Variants in ARGFX observed in about 807,000 individuals in gnomAD.
The protein encoded by ARGFX is arginine-fifty homeobox.
Under a neutral mutation model 8.0 loss-of-function variants are expected in ARGFX, and 10 were observed. The observed-to-expected ratio is 1.25, with a 90% confidence interval of 0.77 to 2.12. The LOEUF (loss-of-function observed/expected upper bound fraction) is 2.12. Among genes scored for constraint, ARGFX ranks in the 30% most tolerant of loss-of-function variants. ARGFX has a pLI of 0.00. For missense variants in ARGFX, 282 were observed against 324.3 expected (o/e 0.87, Z 1.00); for synonymous variants, 116 against 117.8 (o/e 0.98, Z 0.10).
At chr3:121,575,896 C>T (rs774686528) in intron 2 of ARGFX, among the ~76,000 whole-genome samples, 4 of 146,516 alleles carry the variant, frequency 2.7e-5, no homozygotes, top group Admixed American at 7.1e-5. Flanking sequence ...CTGGGTGTTC[C>T]GGTGAGACTC....
intron 3 of ARGFX, among the ~76,000 whole-genome samples, chr3:121,578,016 C>G (rs926190382): frequency 1.3e-5 from 2 of 151,782 alleles, no homozygotes; most frequent in Non-Finnish European, 2.9e-5. Flanking sequence ...AAACTTCTGA[C>G]TTCAAGCGAT....
At chr3:121,572,043 A>G (rs887785627) in intron 2 of ARGFX, among the ~76,000 whole-genome samples, 2 of 151,360 alleles carry the variant, frequency 1.3e-5, no homozygotes, top group Admixed American at 1.3e-4. Context: ...GTTAGCCAGG[A>G]TGGTCTAGGA....
At chr3:121,569,772 T>C (rs2048696946) in intron 1 of ARGFX, among the ~76,000 whole-genome samples, 1 of 152,218 alleles carries the variant, frequency 6.6e-6, no homozygotes, top group Non-Finnish European at 1.5e-5. Context: ...CATGCAGGAT[T>C]TTGTAACATT....
At chr3:121,575,938 A>G (rs4437078) in intron 2 of ARGFX, among the ~76,000 whole-genome samples, 102,024 of 151,192 alleles carry the variant, frequency 0.67, 34,592 homozygotes, top group East Asian at 0.77. Context: ...AGTGTGGTTG[A>G]AAATAAATGA....
At chr3:121,583,509 A>G (rs1192193678) in intron 3 of ARGFX, among the ~76,000 whole-genome samples, 1 of 151,538 alleles carries the variant, frequency 6.6e-6, no homozygotes, top group East Asian at 1.9e-4. Flanking sequence ...CAGTGACACA[A>G]TTATGGTTCA....
chr3:121,579,193 A>G (rs746915169), intron 3 of ARGFX, among the ~76,000 whole-genome samples: 6 of 152,190 alleles, frequency 3.9e-5, no homozygotes, highest in Non-Finnish European at 8.8e-5. Context: ...TATTATTGGT[A>G]GTTGTCCATA....
At chr3:121,571,473 G>C (rs1488123355) in intron 2 of ARGFX, among the ~76,000 whole-genome samples, 1 of 151,856 alleles carries the variant, frequency 6.6e-6, no homozygotes, top group African/African-American at 2.4e-5. Flanking sequence ...TGAAAGACTT[G>C]TCCATTGAAA....
At chr3:121,584,525 C>T (rs2048800272) in intron 3 of ARGFX, among the ~76,000 whole-genome samples, 1 of 152,168 alleles carries the variant, frequency 6.6e-6, no homozygotes, top group Non-Finnish European at 1.5e-5. Context: ...ACAGAAGCTA[C>T]TATCCACTGT....
Position 121,589,119 on chromosome 3 carries a change from G to A in ARGFX, c.*2519G>A, listed in dbSNP as rs2048831321. Among the ~76,000 whole-genome samples the A allele has an allele frequency of 6.6e-6, 1 of 152,118 alleles. No individual in the cohort carries two copies. The highest frequency in any genetic ancestry group is 2.4e-5 in the African/African-American group (1 of 41,420). On this transcript the variant is annotated 3_prime_UTR_variant, in exon 5 of 5. Transcript: ENST00000334384. ...GAGCCACAGAGGTCGAGGCTGCAGT[G>A]AGCTGTGACTGTGCCACTGCACTCC...
At chr3:121,574,731 G>A (rs1410526976) in intron 2 of ARGFX, among the ~76,000 whole-genome samples, 3 of 152,190 alleles carry the variant, frequency 2.0e-5, no homozygotes, top group Admixed American at 6.5e-5. Context: ...ACCAGTTTGT[G>A]ACCCAGGGGA....
intron 4 of ARGFX, 88 bp from the exon 5 acceptor site, chr3:121,585,934 T>A: frequency 7.8e-7 from 1 of 1,288,714 alleles, no homozygotes; most frequent in Non-Finnish European, 1.1e-6. Context: ...GACATGAAGA[T>A]TATAACCTGG....
At position 121,577,246 on chromosome 3, in the gene ARGFX, TA is replaced by T. The variant is rs2048745771; in HGVS notation, c.220+347del. ...ATGTACATATATATATATATATATA[TA>T]TATATATATATATTTTTTTTTTTTT... On this transcript the variant is annotated intron_variant, in intron 3 of 4. Coordinates refer to ENST00000334384, the MANE Select transcript of ARGFX (RefSeq NM_001012659.2). Among the ~76,000 whole-genome samples, 6 of 49,114 alleles carry T rather than the reference TA, an allele frequency of 1.2e-4. No homozygotes were observed. In the East Asian group the frequency reaches 3.0e-3, roughly 24 times the overall value. The allele number at this position is 49,114 out of a possible 152,430, so 32.2% of individuals were successfully genotyped here. A position where few individuals can be genotyped will look rare whatever the true frequency, so the allele number is the denominator to read the frequency against.
Position 121,585,079 on chromosome 3 carries a change from T to C in ARGFX, c.369+14T>C, listed in dbSNP as rs1383239070. On this transcript the variant is annotated intron_variant, in intron 4 of 4. Transcript: ENST00000334384. ...TCAACAGTAAAGGTCTGATCCCCTG[T>C]GGTGTGCTTGGTACCCCCATCCAAG... 7.4e-6 allele frequency: 12 copies of C among 1,612,638 alleles called. No individual in the cohort carries two copies. Among genetic ancestry groups the C allele is most frequent in the Non-Finnish European group, 9.3e-6 (11 of 1,179,466 alleles).
intron 4 of ARGFX, 31 bp downstream of exon 4, chr3:121,585,096 C>T (rs1168011783): frequency 6.8e-6 from 11 of 1,608,238 alleles, no homozygotes; most frequent in Non-Finnish European, 8.5e-6. Context: ...CTTGGTACCC[C>T]CATCCAAGCC....
intron 3 of ARGFX, among the ~76,000 whole-genome samples, chr3:121,578,357 C>T (rs2048757480): frequency 6.6e-6 from 1 of 151,966 alleles, no homozygotes; most frequent in Admixed American, 6.6e-5. Context: ...GAACTCCTGA[C>T]CTCAGGTGAT....
chr3:121,579,675 A>G (rs1297769977), intron 3 of ARGFX, among the ~76,000 whole-genome samples: 1 of 152,080 alleles, frequency 6.6e-6, no homozygotes, highest in Admixed American at 6.6e-5. Flanking sequence ...GTCATATTTG[A>G]TTGAGATGGG....
At chr3:121,577,260 T>TATATCTACATGTACATATATATATATATA (rs1491494549) in intron 3 of ARGFX, among the ~76,000 whole-genome samples, 5 of 30,916 alleles carry the variant, frequency 1.6e-4, no homozygotes, top group Admixed American at 1.0e-3. Flanking sequence ...TATATATATA[T>TATATCTACATGTACATATATATATATATA]TTTTTTTTTT....
rs1372105510 is a variant in ARGFX, at chr3:121,584,995, C to A, written c.299C>A (p.Thr100Asn). ...YEELEALFSQ[T>N]MFPDRNLQEK... ...GAGCTAGAAGCTCTGTTTAGCCAGA[C>A]CATGTTCCCAGATAGAAATCTTCAG... Residue 100 changes from threonine to asparagine, a missense_variant, in exon 4 of 5, where the codon ACC becomes AAC. Physicochemically the swap from Thr to Asn is moderately conservative, Grantham distance 65. Transcript: ENST00000334384. 6.2e-7 allele frequency: 1 copy of A among 1,614,012 alleles called. No homozygotes were observed. The highest frequency in any genetic ancestry group is 8.5e-7 in the Non-Finnish European group (1 of 1,179,976).
At chr3:121,583,371 T>C (rs1281012013) in intron 3 of ARGFX, among the ~76,000 whole-genome samples, 2 of 152,020 alleles carry the variant, frequency 1.3e-5, no homozygotes, top group African/African-American at 4.8e-5. Context: ...TCCTTTCCAT[T>C]GCCATTAAAA....
Sources: allele counts gnomAD v4.1 joint callset (sites outside exome capture counted in the v4.1 genomes callset), GRCh38; gene constraint gnomAD v4.1.1; transcripts MANE v1.5; gene names NCBI Gene and HGNC (gene_info 2026-07-23, HGNC 2026-07-21).